Variants in SGCG observed in about 807,000 individuals in gnomAD.
The protein encoded by SGCG is sarcoglycan gamma.
SGCG carries 26 observed loss-of-function variants against 29.3 expected under a neutral mutation model. That is an observed-to-expected ratio of 0.89 (90% CI 0.65 to 1.23). The LOEUF (loss-of-function observed/expected upper bound fraction) is 1.23, where lower values mean the gene tolerates loss of function less well. SGCG is among the 50% of genes most tolerant of loss of function. The probability of loss-of-function intolerance (pLI) is 0.00; values close to 1 mark genes in which losing one functional copy is unlikely to be tolerated. For synonymous variants in SGCG, 145 were observed against 129.7 expected (o/e 1.12, Z -0.80); for missense variants, 353 against 356.0 (o/e 0.99, Z 0.07).
chr13:23,253,957 C>T (rs145870362), intron 4 of SGCG, among the ~76,000 whole-genome samples: 7 of 152,338 alleles, frequency 4.6e-5, no homozygotes, highest in South Asian at 2.1e-4. Context: ...TAGAAGCATA[C>T]GCTGAAGCCA....
intron 2 of SGCG, among the ~76,000 whole-genome samples, chr13:23,231,879 G>A (rs972125113): frequency 6.6e-6 from 1 of 152,112 alleles, no homozygotes; most frequent in Non-Finnish European, 1.5e-5. Flanking sequence ...AACATTTTGG[G>A]AAGCTGAGGT....
intron 6 of SGCG, among the ~76,000 whole-genome samples, chr13:23,300,721 CAGAG>C (rs1196708940): frequency 7.0e-6 from 1 of 143,666 alleles, no homozygotes; most frequent in Non-Finnish European, 1.5e-5. Flanking sequence ...CATTTAAAAA[CAGAG>C]AGAAACGACA....
At chr13:23,284,187 T>C (rs1414956035) in intron 5 of SGCG, among the ~76,000 whole-genome samples, 2 of 152,214 alleles carry the variant, frequency 1.3e-5, no homozygotes, top group East Asian at 1.9e-4. Flanking sequence ...CTGGATAATA[T>C]CCTGAAGAGT....
intron 2 of SGCG, among the ~76,000 whole-genome samples, chr13:23,218,440 A>G (rs1038978603): frequency 6.6e-6 from 1 of 152,160 alleles, no homozygotes; most frequent in African/African-American, 2.4e-5. Context: ...TAGAGTTACA[A>G]TTTGTTCACT....
the SGCG span, among the ~76,000 whole-genome samples, chr13:23,168,926 G>A: frequency 7.2e-4 from 109 of 151,848 alleles, 1 homozygote; most frequent in Middle Eastern, 6.8e-3. Flanking sequence ...AATTTGCATT[G>A]GAATTTCCTT....
chr13:23,286,294 G>T (rs913940076), intron 5 of SGCG, among the ~76,000 whole-genome samples: 1 of 152,232 alleles, frequency 6.6e-6, no homozygotes, highest in Non-Finnish European at 1.5e-5. Context: ...TGCAAAAGAT[G>T]TAGGGTTTAG....
chr13:23,265,436 G>C (rs1880599744), intron 4 of SGCG, among the ~76,000 whole-genome samples: 1 of 152,104 alleles, frequency 6.6e-6, no homozygotes, highest in South Asian at 2.1e-4. Context: ...AGTTAGCTGG[G>C]TGCAGTTGCA....
Position 23,324,226 on chromosome 13 carries a change from G to A in SGCG, c.703-142G>A, listed in dbSNP as rs116138578. On this transcript the variant is annotated intron_variant, in intron 7 of 7. Transcript: ENST00000218867. ...GGCTTTAAAAGAATCGGATAATTACGAAATGAGTTACATAAAGTCAGGTGC... is the reference window on the plus strand; with the variant it reads ...GGCTTTAAAAGAATCGGATAATTACAAAATGAGTTACATAAAGTCAGGTGC... 1.9e-3 allele frequency: 1,442 copies of A among 741,608 alleles called. 17 individuals carry two copies. The African/African-American group carries it at 0.022, about 12-fold the overall frequency. 45.9% of individuals were successfully genotyped at this position (741,608 alleles called of 1,614,324 possible).
At chr13:23,297,557 G>A (rs1306802699) in intron 6 of SGCG, among the ~76,000 whole-genome samples, 1 of 152,228 alleles carries the variant, frequency 6.6e-6, no homozygotes, top group Non-Finnish European at 1.5e-5. Flanking sequence ...ATGTCCTTAA[G>A]GCACAGATTG....
chr13:23,201,220 C>A (rs767427816), intron 1 of SGCG, among the ~76,000 whole-genome samples: 1 of 152,006 alleles, frequency 6.6e-6, no homozygotes, highest in Non-Finnish European at 1.5e-5. Flanking sequence ...TCCAGCAAAC[C>A]ACGATAAAAT....
chr13:23,225,624 A>T (rs1878863644), intron 2 of SGCG, among the ~76,000 whole-genome samples: 1 of 152,064 alleles, frequency 6.6e-6, no homozygotes, highest in South Asian at 2.1e-4. Flanking sequence ...CTGACACAAG[A>T]TCTTCCATGC....
At chr13:23,283,647 T>C (rs1402552770) in intron 5 of SGCG, among the ~76,000 whole-genome samples, 1 of 152,226 alleles carries the variant, frequency 6.6e-6, no homozygotes, top group East Asian at 1.9e-4. Context: ...GTGAATTTGA[T>C]CCTGTCATTA....
At chr13:23,220,690 A>G (rs1003683882) in intron 2 of SGCG, among the ~76,000 whole-genome samples, 1 of 152,192 alleles carries the variant, frequency 6.6e-6, no homozygotes, top group African/African-American at 2.4e-5. Context: ...CAACTCCACC[A>G]ATCTTTACCC....
At chr13:23,288,289 C>A (rs1359618219) in intron 5 of SGCG, among the ~76,000 whole-genome samples, 1 of 152,164 alleles carries the variant, frequency 6.6e-6, no homozygotes, top group East Asian at 1.9e-4. Flanking sequence ...TTCTTTGCTT[C>A]TTTTCTCCGC....
At chr13:23,241,938 C>A (rs369728275) in intron 3 of SGCG, among the ~76,000 whole-genome samples, 53 of 151,916 alleles carry the variant, frequency 3.5e-4, no homozygotes, top group African/African-American at 1.2e-3. Flanking sequence ...GAGAAGAAAT[C>A]AACAAAATAG....
the SGCG span, among the ~76,000 whole-genome samples, chr13:23,168,544 A>C: frequency 6.6e-6 from 1 of 152,240 alleles, no homozygotes; most frequent in Non-Finnish European, 1.5e-5. Flanking sequence ...AATTCAGTAC[A>C]TAACGCAGCT....
chr13:23,194,140 A>G (rs541393010), intron 1 of SGCG, among the ~76,000 whole-genome samples: 1 of 152,360 alleles, frequency 6.6e-6, no homozygotes, highest in East Asian at 1.9e-4. Context: ...CCAAAGCTAA[A>G]TATGGCAAAA....
chr13:23,253,240 A>G (rs1880047645), intron 4 of SGCG, among the ~76,000 whole-genome samples: 1 of 152,170 alleles, frequency 6.6e-6, no homozygotes. Context: ...AAGTCAGACC[A>G]TCTCTAAAAA....
the SGCG span, among the ~76,000 whole-genome samples, chr13:23,169,477 G>A: frequency 6.6e-6 from 1 of 151,654 alleles, no homozygotes; most frequent in African/African-American, 2.4e-5. Flanking sequence ...TCAAGAGATC[G>A]AGACCATTCT....
Sources: gnomAD v4.1 joint callset for allele counts (sites outside exome capture counted in the v4.1 genomes callset) on GRCh38, gnomAD v4.1.1 for gene constraint, MANE v1.5 for transcripts, NCBI Gene and HGNC (gene_info 2026-07-23, HGNC 2026-07-21) for gene names.